Variants in MAP3K15 observed in about 807,000 individuals in gnomAD.
MAP3K15 encodes the protein MAPK/ERK kinase kinase 15.
Under a neutral mutation model 99.5 loss-of-function variants are expected in MAP3K15, and 124 were observed. That is an observed-to-expected ratio of 1.25 (90% CI 1.08 to 1.45). The LOEUF (loss-of-function observed/expected upper bound fraction) is 1.45, where lower values mean the gene tolerates loss of function less well. MAP3K15 is among the 40% of genes most tolerant of loss of function. MAP3K15 has a pLI of 0.00. For missense variants in MAP3K15, 1,242 were observed against 1,079.7 expected (o/e 1.15, Z -2.11); for synonymous variants, 494 against 439.6 (o/e 1.12, Z -1.55).
intron 23 of MAP3K15, 80 bp downstream of exon 23, chrX:19,371,264 GA>G: frequency 9.8e-7 from 1 of 1,019,459 alleles, no homozygotes. Flanking sequence ...ATACAGTTAA[GA>G]AGAGATGGGG....
At chrX:19,451,232 C>T (rs62589399) in intron 6 of MAP3K15, among the ~76,000 whole-genome samples, 5,866 of 93,891 alleles carry the variant, frequency 0.062, 382 homozygotes, top group Non-Finnish European at 0.097. Flanking sequence ...CTGCCTTGAG[C>T]GGAAGTCACA....
intron 7 of MAP3K15, among the ~76,000 whole-genome samples, chrX:19,427,430 GT>G (rs1378932254): frequency 9.0e-6 from 1 of 111,623 alleles, no homozygotes; most frequent in Non-Finnish European, 1.9e-5. Flanking sequence ...ATATGGAGTT[GT>G]TTTTTCATGC....
chrX:19,411,188 A>C (rs2147273964), intron 11 of MAP3K15, among the ~76,000 whole-genome samples: 1 of 110,839 alleles, frequency 9.0e-6, no homozygotes, highest in Non-Finnish European at 1.9e-5. Flanking sequence ...TGCCTCAAAA[A>C]AAAAAAAAAA....
chrX:19,504,458 C>T (rs2064462194), intron 1 of MAP3K15, among the ~76,000 whole-genome samples: 1 of 111,446 alleles, frequency 9.0e-6, no homozygotes, highest in East Asian at 2.8e-4. Context: ...TTGGCGAACA[C>T]TGTCTTTGCC....
At chrX:19,392,585 C>T (rs1253078471) in intron 16 of MAP3K15, 112 bp from the exon 17 acceptor site, 18 of 755,881 alleles carry the variant, frequency 2.4e-5, no homozygotes, top group Non-Finnish European at 3.0e-5. Context: ...ACACCAACAC[C>T]ATCGGATCTG....
At chrX:19,390,765 C>A (rs2063522711) in intron 18 of MAP3K15, among the ~76,000 whole-genome samples, 1 of 106,082 alleles carries the variant, frequency 9.4e-6, no homozygotes, top group Non-Finnish European at 1.9e-5. Flanking sequence ...CACTGCTGGC[C>A]TCAAGTGATC....
In MAP3K15 at chrX:19,413,593, G is replaced by C. The variant is rs1317129190; in HGVS notation, c.1591-129C>G. 1.3e-5 allele frequency: 3 copies of C among 236,590 alleles called. No homozygotes were observed. In the Admixed American group the frequency reaches 2.1e-4, roughly 17 times the overall value. 19.5% of individuals were successfully genotyped at this position (236,590 alleles called of 1,213,427 possible). A position where few individuals can be genotyped will look rare whatever the true frequency, so the allele number is the denominator to read the frequency against. ...GGGCCAGGCACAGTGGCTCACGCCT[G>C]TAATCCCAGCACTTTGGGAGGTTGA... is the stretch of plus-strand genomic sequence containing the variant. On this transcript the variant is annotated intron_variant, in intron 10 of 28. Transcript: ENST00000338883.
intron 3 of MAP3K15, among the ~76,000 whole-genome samples, chrX:19,465,349 C>T (rs193225818): frequency 9.0e-6 from 1 of 111,301 alleles, no homozygotes; most frequent in African/African-American, 3.3e-5. Flanking sequence ...TTCTATTATC[C>T]CTGAAAATAG....
intron 10 of MAP3K15, 61 bp from the exon 11 acceptor site, chrX:19,413,525 A>G: frequency 1.1e-6 from 1 of 890,451 alleles, no homozygotes; most frequent in East Asian, 3.2e-5. Flanking sequence ...CACCCTGCCC[A>G]GCGAGGAGGC....
rs142872048 is a variant in MAP3K15 at position 19,468,827 on chromosome X, T to G, written c.526-4421A>C. 2.0e-3 allele frequency among the ~76,000 whole-genome samples: 224 copies of G among 110,681 alleles called. 2 individuals carry two copies. Among genetic ancestry groups the G allele is most frequent in the African/African-American group, 7.2e-3 (218 of 30,385 alleles). On this transcript the variant is annotated intron_variant, in intron 3 of 28. Coordinates refer to ENST00000338883, the MANE Select transcript of MAP3K15 (RefSeq NM_001001671.4). The stretch of plus-strand genomic sequence containing the variant: ...GTTTGTAGATCTCCTTGAAGAGGCC[T>G]TTCACATCCCTTGTAAGTTGGATTC...
intron 18 of MAP3K15, among the ~76,000 whole-genome samples, chrX:19,389,522 C>A (rs1160617136): frequency 9.0e-6 from 1 of 111,395 alleles, no homozygotes; most frequent in Non-Finnish European, 1.9e-5. Flanking sequence ...TACAGAACTG[C>A]TCTGTTTTGC....
chrX:19,512,219 G>A, intron 1 of MAP3K15, among the ~76,000 whole-genome samples: 1 of 111,458 alleles, frequency 9.0e-6, no homozygotes, highest in Non-Finnish European at 1.9e-5. Context: ...CCTAATGCAT[G>A]CTTAAAACCT....
intron 24 of MAP3K15, among the ~76,000 whole-genome samples, chrX:19,369,752 T>C (rs1363664034): frequency 1.8e-5 from 2 of 109,797 alleles, no homozygotes; most frequent in Non-Finnish European, 3.8e-5. Context: ...CCGTCTCTAC[T>C]AAAAAAAATT....
chrX:19,407,183 C>T lies in MAP3K15; in HGVS notation c.1844+5G>A, dbSNP rs200319919. On this transcript the variant is annotated splice_donor_5th_base_variant and intron_variant, in intron 13 of 28. Transcript: ENST00000338883. ...TTGCAAATACCTGAATTGGCTGTAA[C>T]TCACCTACTGCACTGCTCTTCGGTG... 1.3e-5 allele frequency: 15 copies of T among 1,132,931 alleles called. No individual in the cohort carries two copies. The highest frequency in any genetic ancestry group is 1.7e-5 in the Non-Finnish European group (14 of 844,038). The allele number at this position is 1,132,931 out of a possible 1,213,427, so 93.4% of individuals were successfully genotyped here. A position where few individuals can be genotyped will look rare whatever the true frequency, so the allele number is the denominator to read the frequency against.
In MAP3K15 at chrX:19,461,992, A is replaced by AAC. The variant is rs66666219; in HGVS notation, c.720-1841_720-1840dup. Reference sequence around the variant, plus strand: ...GGCGACAGAGTGAGACTTGGTCTAAAACACACACACACACACACACACACA... The same window carrying AAC: ...GGCGACAGAGTGAGACTTGGTCTAAAACACACACACACACACACACACACACA... On this transcript the variant is annotated intron_variant, in intron 4 of 28. Coordinates refer to ENST00000338883, the MANE Select transcript of MAP3K15 (RefSeq NM_001001671.4). 3.8e-3 allele frequency among the ~76,000 whole-genome samples: 384 copies of AAC among 100,599 alleles called. 4 individuals carry two copies. The highest frequency in any genetic ancestry group is 0.013 in the African/African-American group (355 of 26,582). The allele number at this position is 100,599 out of a possible 115,157, so 87.4% of individuals were successfully genotyped here.
intron 16 of MAP3K15, among the ~76,000 whole-genome samples, chrX:19,394,420 A>C (rs764977540): frequency 8.9e-6 from 1 of 111,856 alleles, no homozygotes; most frequent in Non-Finnish European, 1.9e-5. Context: ...GCCTGAAGTC[A>C]CACAGCTTGT....
intron 3 of MAP3K15, among the ~76,000 whole-genome samples, chrX:19,483,514 G>C (rs913157674): frequency 9.0e-6 from 1 of 111,039 alleles, no homozygotes; most frequent in Non-Finnish European, 1.9e-5. Flanking sequence ...TCAGGGTGTG[G>C]CATCTAATTC....
At chrX:19,425,807 G>T in intron 8 of MAP3K15, 117 bp from the exon 9 acceptor site, 2 of 704,705 alleles carry the variant, frequency 2.8e-6, no homozygotes, top group Non-Finnish European at 4.0e-6. Context: ...AAAAGTAACT[G>T]ATTGTTCCTT....
chrX:19,499,586 C>G (rs2064428344), intron 1 of MAP3K15, among the ~76,000 whole-genome samples: 1 of 112,388 alleles, frequency 8.9e-6, no homozygotes, highest in African/African-American at 3.2e-5. Flanking sequence ...TATATTCTTA[C>G]AATAAAATTG....
Sources: allele counts gnomAD v4.1 joint callset (sites outside exome capture counted in the v4.1 genomes callset), GRCh38; gene constraint gnomAD v4.1.1; transcripts MANE v1.5; gene names NCBI Gene and HGNC (gene_info 2026-07-23, HGNC 2026-07-21).